Variants in ENTPD7 observed in about 807,000 individuals in gnomAD.
ENTPD7 encodes the protein NTPDase 7.
ENTPD7 carries 53 observed loss-of-function variants against 77.9 expected under a neutral mutation model. The ratio of observed to expected loss-of-function variants is 0.68; its 90% confidence interval spans 0.55 to 0.85. ENTPD7 has a LOEUF of 0.85. Among genes scored for constraint, ENTPD7 ranks in the 40% least tolerant of loss-of-function variants. The pLI, the probability that ENTPD7 is intolerant of heterozygous loss-of-function variation, is 0.00. For missense variants in ENTPD7, 636 were observed against 743.7 expected, an observed-to-expected ratio of 0.86 and a Z score of 1.68; for synonymous variants, 248 against 274.9, an observed-to-expected ratio of 0.90 and a Z score of 0.97.
At chr10:99,672,892 G>A (rs908266410) in intron 3 of ENTPD7, among the ~76,000 whole-genome samples, 1 of 152,172 alleles carries the variant, frequency 6.6e-6, no homozygotes, top group African/African-American at 2.4e-5. Flanking sequence ...AGCTCTGTTT[G>A]AACTCTAAAG....
At chr10:99,662,732 C>T (rs1481924513) in intron 3 of ENTPD7, among the ~76,000 whole-genome samples, 1 of 152,216 alleles carries the variant, frequency 6.6e-6, no homozygotes, top group East Asian at 1.9e-4. Context: ...AATTTGCAGA[C>T]AGAAGCGTGG....
At position 99,659,532 on chromosome 10, in the gene ENTPD7, G is replaced by A. The variant is rs1169958000; in HGVS notation, c.-152G>A. The A allele has an allele frequency of 6.4e-6, 1 of 156,534 alleles. No homozygotes were observed. Among genetic ancestry groups the A allele is most frequent in the Non-Finnish European group, 1.4e-5 (1 of 70,972 alleles). 9.7% of individuals were successfully genotyped at this position (156,534 alleles called of 1,614,324 possible). ...TTCCGGCTGGGCAAGGGGCCGCGGG[G>A]AGCAGCTCGGGACTGAACCGAGAGG... On this transcript the variant is annotated 5_prime_UTR_variant, in exon 1 of 13. Transcript: ENST00000370489. This position sits in a 1 kb window ranked among gnomAD's most constrained non-coding sequence, Gnocchi z 4.1.
At position 99,659,954 on chromosome 10, in the gene ENTPD7, C is replaced by G. The variant is rs201140970; in HGVS notation, c.-3C>G. The stretch of plus-strand genomic sequence containing the variant: ...CAGGCGTTGAGACCACCGAAGGGAA[C>G]CCATGGCTAGGTAAGGCTGCACACT... On this transcript the variant is annotated 5_prime_UTR_variant, in exon 2 of 13. Transcript: ENST00000370489. This position sits in a 1 kb window ranked among gnomAD's most constrained non-coding sequence, Gnocchi z 4.1. 8 of 1,613,944 alleles carry G rather than the reference C, an allele frequency of 5.0e-6. No individual in the cohort carries two copies. Among genetic ancestry groups the G allele is most frequent in the African/African-American group, 4.0e-5 (3 of 74,910 alleles).
intron 3 of ENTPD7, among the ~76,000 whole-genome samples, chr10:99,678,044 G>A (rs1489487325): frequency 6.6e-6 from 1 of 151,626 alleles, no homozygotes; most frequent in Non-Finnish European, 1.5e-5. Flanking sequence ...TGTCCTAGGG[G>A]CCAAGAATTA....
rs2035722508 is a variant in ENTPD7 at position 99,679,328 on chromosome 10, G to C, written c.259G>C (p.Val87Leu). 4 of 1,614,152 alleles carry C rather than the reference G, an allele frequency of 2.5e-6. No individual in the cohort carries two copies. The highest frequency in any genetic ancestry group is 1.7e-5 in the Admixed American group (1 of 60,020). ...TEDPNLNYGL[V>L]VDCGSSGSRI... ...AGACCCAAATCTGAATTATGGACTTGTTGTTGACTGTGGCAGCAGTGGTTC... is the reference window on the plus strand; with the variant it reads ...AGACCCAAATCTGAATTATGGACTTCTTGTTGACTGTGGCAGCAGTGGTTC... Residue 87 changes from valine to leucine, a missense_variant, in exon 4 of 13, where the codon GTT (valine) becomes CTT (leucine). Around this residue, in one of 3 missense-constraint regions of ENTPD7, gnomAD observed 486 missense variants for 556.5 expected, o/e 0.87. Coordinates refer to ENST00000370489, the MANE Select transcript of ENTPD7 (RefSeq NM_020354.5).
At chr10:99,667,193 C>T (rs1334744985) in intron 3 of ENTPD7, among the ~76,000 whole-genome samples, 3 of 152,216 alleles carry the variant, frequency 2.0e-5, no homozygotes, top group Non-Finnish European at 4.4e-5. Context: ...TGGCTCAGAG[C>T]TCATTGTTAC....
In ENTPD7 at chr10:99,679,299, C is replaced by G. The variant is rs1300869156; in HGVS notation, c.230C>G (p.Thr77Ser). The change falls in exon 4 of 13, where the codon ACT (threonine) becomes AGT (serine). Residue 77 changes from threonine to serine, a missense_variant. Around this residue, in one of 3 missense-constraint regions of ENTPD7, gnomAD observed 486 missense variants for 556.5 expected, o/e 0.87. Transcript: ENST00000370489. ...ARVGELEATD[T>S]EDPNLNYGLV... ...GTAGGGGAGCTTGAAGCTACTGACA[C>G]TGAAGACCCAAATCTGAATTATGGA... 24 of 1,614,142 alleles carry G rather than the reference C, an allele frequency of 1.5e-5. No individual in the cohort carries two copies. Among genetic ancestry groups the G allele is most frequent in the Non-Finnish European group, 1.9e-5 (23 of 1,180,018 alleles).
At position 99,708,740 on chromosome 10, in the gene ENTPD7, C is replaced by G; in HGVS notation, c.*4057C>G. 1 of 755,572 alleles carries G rather than the reference C, an allele frequency of 1.3e-6. No homozygotes were observed. Among genetic ancestry groups the G allele is most frequent in the Non-Finnish European group, 1.6e-6 (1 of 620,136 alleles). 46.8% of individuals were successfully genotyped at this position (755,572 alleles called of 1,614,324 possible). A position where few individuals can be genotyped will look rare whatever the true frequency, so the allele number is the denominator to read the frequency against. On this transcript the variant is annotated 3_prime_UTR_variant, in exon 13 of 13. Transcript: ENST00000370489. ...TCAGAAGAGTTTTAAAGCTTCTGGT[C>G]AACCCCCTTGATTTATATGGGTGAT...
intron 3 of ENTPD7, among the ~76,000 whole-genome samples, chr10:99,664,324 G>A (rs141719445): frequency 2.6e-5 from 4 of 151,788 alleles, no homozygotes; most frequent in Non-Finnish European, 2.9e-5. Flanking sequence ...ACAGTGGTGC[G>A]ATCATAGCTC....
At position 99,705,072 on chromosome 10, in the gene ENTPD7, A is replaced by G. The variant is rs1399214977; in HGVS notation, c.*389A>G. 4 of 221,992 alleles carry G rather than the reference A, an allele frequency of 1.8e-5. No homozygotes were observed. Among genetic ancestry groups the G allele is most frequent in the African/African-American group, 9.0e-5 (4 of 44,608 alleles). The allele number at this position is 221,992 out of a possible 1,614,324, so 13.8% of individuals were successfully genotyped here. ...AATGAAATTTGTAGCATCTGATACA[A>G]AGCCAGAGACATTCTAGCAAGTGCA... is the stretch of plus-strand genomic sequence containing the variant. On this transcript the variant is annotated 3_prime_UTR_variant, in exon 13 of 13. Coordinates refer to ENST00000370489, the MANE Select transcript of ENTPD7 (RefSeq NM_020354.5).
At chr10:99,661,298 T>C (rs2035483289) in intron 2 of ENTPD7, 148 bp from the exon 3 acceptor site, 1 of 651,818 alleles carries the variant, frequency 1.5e-6, no homozygotes, top group Non-Finnish European at 2.5e-6. Context: ...CATGAGCTTC[T>C]TCTAAAATTA....
Position 99,691,484 on chromosome 10 carries a change from T to C in ENTPD7, c.809T>C (p.Val270Ala). ...GGASLQIAYE[V>A]PTSTSVLPAK... is the part of the protein sequence containing the mutation. ...GCCTCTCTCCAAATTGCTTATGAAG[T>C]TCCTACCTCAACCTCTGTCCTTCCT... Residue 270 changes from valine to alanine, a missense_variant, in exon 8 of 13, where the codon GTT (valine) becomes GCT (alanine). Coordinates refer to ENST00000370489, the MANE Select transcript of ENTPD7 (RefSeq NM_020354.5). 1 of 1,614,056 alleles carries C rather than the reference T, an allele frequency of 6.2e-7. No individual in the cohort carries two copies. Among genetic ancestry groups the C allele is most frequent in the Non-Finnish European group, 8.5e-7 (1 of 1,180,006 alleles).
intron 3 of ENTPD7, among the ~76,000 whole-genome samples, chr10:99,665,392 T>G (rs1273492291): frequency 6.6e-6 from 1 of 152,086 alleles, no homozygotes; most frequent in African/African-American, 2.4e-5. Flanking sequence ...GCCAGAAACC[T>G]CTAACAACCA....
At chr10:99,668,671 GA>G (rs1217845473) in intron 3 of ENTPD7, among the ~76,000 whole-genome samples, 1 of 152,022 alleles carries the variant, frequency 6.6e-6, no homozygotes, top group Non-Finnish European at 1.5e-5. Flanking sequence ...TTCTCTGCCT[GA>G]AAATATACAC....
chr10:99,690,578 T>A (rs2035869182), intron 7 of ENTPD7, among the ~76,000 whole-genome samples: 2 of 151,086 alleles, frequency 1.3e-5, no homozygotes, highest in South Asian at 4.2e-4. Flanking sequence ...AGTCTTGCTC[T>A]GTCACCCAGG....
intron 2 of ENTPD7, 78 bp downstream of exon 2, chr10:99,660,042 C>T: frequency 6.2e-7 from 1 of 1,606,468 alleles, no homozygotes; most frequent in Non-Finnish European, 8.5e-7. Flanking sequence ...GGGAGGCTGT[C>T]CCAAGTGAGG....
At chr10:99,660,340 A>G in intron 2 of ENTPD7, 1 of 1,179,854 alleles carries the variant, frequency 8.5e-7, no homozygotes, top group South Asian at 1.8e-5. Context: ...TTTTGAATCA[A>G]TATACAAAGT....
At chr10:99,689,107 G>A (rs1266533018) in intron 7 of ENTPD7, among the ~76,000 whole-genome samples, 1 of 151,566 alleles carries the variant, frequency 6.6e-6, no homozygotes, top group Non-Finnish European at 1.5e-5. Flanking sequence ...TTATTTTCAT[G>A]TATGTCAGTA....
chr10:99,698,328 T>C (rs909823926), intron 9 of ENTPD7, among the ~76,000 whole-genome samples: 4 of 152,224 alleles, frequency 2.6e-5, no homozygotes, highest in East Asian at 1.9e-4. Flanking sequence ...TCGAACAGAA[T>C]TGATCACCAT....
Sources: gnomAD v4.1 joint callset for allele counts (sites outside exome capture counted in the v4.1 genomes callset) on GRCh38, gnomAD v4.1.1 for gene constraint, gnomAD v4.1.1 regional missense constraint, Gnocchi (gnomAD v3.1) non-coding constraint, MANE v1.5 for transcripts, NCBI Gene and HGNC (gene_info 2026-07-23, HGNC 2026-07-21) for gene names.